The following SLC10A7 variants were observed in gnomAD, a reference collection of about 807,000 sequenced individuals.
The protein encoded by SLC10A7 is solute carrier family 10 member 7.
In SLC10A7, 29 loss-of-function variants were observed where a neutral mutation model predicts 43.2. The ratio of observed to expected loss-of-function variants is 0.67; its 90% confidence interval spans 0.50 to 0.92. The LOEUF is 0.92. Ranked by LOEUF, SLC10A7 falls within the 40% of genes least tolerant of loss-of-function variation. The pLI is 0.00. For synonymous variants in SLC10A7, 152 were observed against 144.8 expected, an observed-to-expected ratio of 1.05 and a Z score of -0.35; for missense variants, 295 against 403.2, an observed-to-expected ratio of 0.73 and a Z score of 2.30.
At position 146,297,542 on chromosome 4, in the gene SLC10A7, T is replaced by G. The variant is rs932431591; in HGVS notation, c.556-3447A>C. ...TATTTCTATTATGTCTTTACCCTAT[T>G]CATAAATTGATTTTTGAATAAGGAT... On this transcript the variant is annotated intron_variant, in intron 7 of 11. Transcript: ENST00000335472. Among the ~76,000 whole-genome samples the G allele has an allele frequency of 2.6e-5, 4 of 152,194 alleles. No individual in the cohort carries two copies. The East Asian group carries it at 7.7e-4, about 29-fold the overall frequency.
intron 5 of SLC10A7, among the ~76,000 whole-genome samples, chr4:146,414,912 C>T (rs1579126747): frequency 6.6e-6 from 1 of 152,106 alleles, no homozygotes; most frequent in African/African-American, 2.4e-5. Flanking sequence ...AATTAATATT[C>T]TCACTCCTAA....
intron 4 of SLC10A7, among the ~76,000 whole-genome samples, chr4:146,502,623 C>T (rs1456240055): frequency 6.6e-6 from 1 of 152,088 alleles, no homozygotes; most frequent in Non-Finnish European, 1.5e-5. Context: ...TTTCCATCAA[C>T]AAGTGAATGG....
chr4:146,393,436 A>G (rs1381812528), intron 5 of SLC10A7, among the ~76,000 whole-genome samples: 2 of 152,166 alleles, frequency 1.3e-5, no homozygotes, highest in South Asian at 2.1e-4. Context: ...TCCTTCTACT[A>G]CATTATCTCT....
intron 2 of SLC10A7, 127 bp from the exon 3 acceptor site, chr4:146,510,176 C>G (rs953138290): frequency 1.5e-5 from 12 of 779,600 alleles, no homozygotes; most frequent in Non-Finnish European, 2.3e-5. Context: ...AAATTTTTAT[C>G]TATAAGTATA....
intron 4 of SLC10A7, 51 bp from the exon 5 acceptor site, chr4:146,442,872 T>A: frequency 8.0e-7 from 1 of 1,252,104 alleles, no homozygotes; most frequent in Non-Finnish European, 1.1e-6. Context: ...TAAATAAGAA[T>A]AATAAAGCCA....
At chr4:146,351,313 G>A (rs1195076222) in intron 5 of SLC10A7, among the ~76,000 whole-genome samples, 2 of 151,206 alleles carry the variant, frequency 1.3e-5, no homozygotes, top group Non-Finnish European at 2.9e-5. Flanking sequence ...GAAATGAAGC[G>A]AGAAGGGAAG....
intron 6 of SLC10A7, among the ~76,000 whole-genome samples, chr4:146,318,898 C>A (rs1427258318): frequency 6.6e-6 from 1 of 152,044 alleles, no homozygotes; most frequent in African/African-American, 2.4e-5. Context: ...GTTCTACTTT[C>A]CAGTTCTACT....
chr4:146,308,339 C>T (rs1246453371), intron 6 of SLC10A7, among the ~76,000 whole-genome samples: 1 of 152,142 alleles, frequency 6.6e-6, no homozygotes, highest in Non-Finnish European at 1.5e-5. Flanking sequence ...AGACCTGTCA[C>T]TGTGGTCAGT....
At chr4:146,486,166 T>A (rs1225939164) in intron 4 of SLC10A7, among the ~76,000 whole-genome samples, 1 of 152,180 alleles carries the variant, frequency 6.6e-6, no homozygotes, top group Non-Finnish European at 1.5e-5. Context: ...CAACATTCAA[T>A]AAGACCATTC....
At chr4:146,362,589 C>T (rs939854336) in intron 5 of SLC10A7, among the ~76,000 whole-genome samples, 14 of 151,916 alleles carry the variant, frequency 9.2e-5, no homozygotes, top group African/African-American at 3.4e-4. Flanking sequence ...CCACTCATAT[C>T]TTCAGTAGAA....
chr4:146,346,865 C>T (rs181936416), intron 5 of SLC10A7, among the ~76,000 whole-genome samples: 415 of 152,090 alleles, frequency 2.7e-3, no homozygotes, highest in Non-Finnish European at 5.4e-3. Flanking sequence ...TTTGTGATTT[C>T]ATTCAACAAA....
intron 9 of SLC10A7, among the ~76,000 whole-genome samples, chr4:146,285,196 A>C (rs759670813): frequency 6.6e-6 from 1 of 152,100 alleles, no homozygotes; most frequent in East Asian, 1.9e-4. Context: ...GGAACTGCTG[A>C]AGGAGTTGGG....
At chr4:146,458,150 A>G (rs1472837764) in intron 4 of SLC10A7, among the ~76,000 whole-genome samples, 1 of 151,864 alleles carries the variant, frequency 6.6e-6, no homozygotes, top group Admixed American at 6.6e-5. Flanking sequence ...AGTTTATTCC[A>G]GGAATGCAAA....
intron 5 of SLC10A7, among the ~76,000 whole-genome samples, chr4:146,339,154 T>G (rs1029505093): frequency 2.6e-4 from 39 of 151,944 alleles, no homozygotes; most frequent in Non-Finnish European, 4.0e-4. Context: ...TATAAGACAC[T>G]CAAAATAATG....
chr4:146,313,796 G>A (rs1732142468), intron 6 of SLC10A7, among the ~76,000 whole-genome samples: 1 of 152,020 alleles, frequency 6.6e-6, no homozygotes, highest in African/African-American at 2.4e-5. Context: ...TCTCTTCTAT[G>A]AACTCCTATT....
intron 4 of SLC10A7, among the ~76,000 whole-genome samples, chr4:146,447,750 T>C (rs1394308166): frequency 2.0e-5 from 3 of 151,988 alleles, no homozygotes; most frequent in Non-Finnish European, 4.4e-5. Flanking sequence ...GTAGATAATA[T>C]ATTGCTTTTG....
chr4:146,401,907 AT>A (rs1393485851), intron 5 of SLC10A7, among the ~76,000 whole-genome samples: 2 of 152,202 alleles, frequency 1.3e-5, no homozygotes, highest in Non-Finnish European at 2.9e-5. Flanking sequence ...TAAACTTTAT[AT>A]TTTTAAAACC....
At chr4:146,509,494 T>C (rs1051376656) in intron 3 of SLC10A7, among the ~76,000 whole-genome samples, 1 of 152,178 alleles carries the variant, frequency 6.6e-6, no homozygotes, top group African/African-American at 2.4e-5. Context: ...ATATCAAACA[T>C]AAAACAATGA....
At chr4:146,371,874 G>A (rs892031430) in intron 5 of SLC10A7, among the ~76,000 whole-genome samples, 1 of 152,124 alleles carries the variant, frequency 6.6e-6, no homozygotes, top group Non-Finnish European at 1.5e-5. Flanking sequence ...AAGTCCAGAT[G>A]GTTGGGGATG....
Sources: allele counts gnomAD v4.1 joint callset (sites outside exome capture counted in the v4.1 genomes callset), GRCh38; gene constraint gnomAD v4.1.1; transcripts MANE v1.5; gene names NCBI Gene and HGNC (gene_info 2026-07-23, HGNC 2026-07-21).